GBE1: variants seen among roughly 807,000 people sequenced by gnomAD.
GBE1 encodes the protein 1,4-alpha-glucan branching enzyme 1.
Under a neutral mutation model 88.8 loss-of-function variants are expected in GBE1, and 70 were observed. The observed-to-expected ratio is 0.79, with a 90% CI of 0.65 to 0.96. The LOEUF is 0.96. GBE1 is among the 40% of genes least tolerant of loss of function. The pLI is 0.00. For missense variants in GBE1, 872 were observed against 871.0 expected (o/e 1.00, Z -0.01); for synonymous variants, 284 against 300.1 (o/e 0.95, Z 0.56).
At chr3:81,522,464 G>A (rs767463726) in intron 14 of GBE1, among the ~76,000 whole-genome samples, 5 of 151,416 alleles carry the variant, frequency 3.3e-5, no homozygotes, top group Non-Finnish European at 5.9e-5. Context: ...TCAGAGTTAT[G>A]GCTGGTGTTA....
At chr3:81,714,603 C>T (rs1224756500) in intron 1 of GBE1, among the ~76,000 whole-genome samples, 1 of 152,126 alleles carries the variant, frequency 6.6e-6, no homozygotes, top group African/African-American at 2.4e-5. Flanking sequence ...TAGTCAGTCC[C>T]ACTGGCTCTC....
intron 1 of GBE1, among the ~76,000 whole-genome samples, chr3:81,710,604 TTAATTGG>T (rs959736305): frequency 3.3e-5 from 5 of 152,074 alleles, no homozygotes; most frequent in African/African-American, 1.2e-4. Context: ...TTTTAACATG[TTAATTGG>T]GGGCTCGGGG....
intron 1 of GBE1, among the ~76,000 whole-genome samples, chr3:81,716,561 T>C (rs1310124450): frequency 6.6e-6 from 1 of 152,118 alleles, no homozygotes; most frequent in Non-Finnish European, 1.5e-5. Context: ...GCCCATTTAG[T>C]GGTACCATTT....
chr3:81,717,056 C>G (rs775257985), intron 1 of GBE1, among the ~76,000 whole-genome samples: 1 of 152,200 alleles, frequency 6.6e-6, no homozygotes, highest in South Asian at 2.1e-4. Context: ...TTTCCAGTCA[C>G]GCTCCTGTTC....
chr3:81,526,492 C>A (rs1350873145), intron 14 of GBE1, among the ~76,000 whole-genome samples: 2 of 152,106 alleles, frequency 1.3e-5, no homozygotes, highest in East Asian at 3.9e-4. Context: ...AGCCCAAAAT[C>A]TCCTGAAGCT....
rs144230550 is a variant in GBE1, at chr3:81,514,156, C to T, written c.1935-14929G>A. On this transcript the variant is annotated intron_variant, in intron 14 of 15. Coordinates refer to ENST00000429644, the MANE Select transcript of GBE1 (RefSeq NM_000158.4). ...TGTTTTCTTCAGCTGGCAAAAAGGA[C>T]AGATGTTAATAGGGAGGCTGGCAAA... is the stretch of plus-strand genomic sequence containing the variant. Among the ~76,000 whole-genome samples, 332 of 151,242 alleles carry T rather than the reference C, an allele frequency of 2.2e-3. 1 individual carries two copies. Among genetic ancestry groups the T allele is most frequent in the South Asian group, 5.4e-3 (26 of 4,816 alleles).
chr3:81,529,931 T>G (rs1367940919), intron 14 of GBE1, among the ~76,000 whole-genome samples: 6 of 152,026 alleles, frequency 3.9e-5, no homozygotes, highest in African/African-American at 1.4e-4. Context: ...TCTCTCTCTC[T>G]CTCTCTCCAT....
At chr3:81,611,987 T>C (rs1704188014) in intron 7 of GBE1, among the ~76,000 whole-genome samples, 1 of 152,106 alleles carries the variant, frequency 6.6e-6, no homozygotes, top group Non-Finnish European at 1.5e-5. Context: ...AAAGCATTTT[T>C]GACATCATGC....
intron 3 of GBE1, among the ~76,000 whole-genome samples, chr3:81,669,198 C>T (rs1308191547): frequency 6.6e-6 from 1 of 152,186 alleles, no homozygotes; most frequent in Non-Finnish European, 1.5e-5. Flanking sequence ...AGAGATTTCA[C>T]AGCTGCAGCT....
At chr3:81,758,354 A>G (rs185728465) in intron 1 of GBE1, among the ~76,000 whole-genome samples, 1 of 152,230 alleles carries the variant, frequency 6.6e-6, no homozygotes, top group African/African-American at 2.4e-5. Context: ...TTTCACCCAC[A>G]TGGCAAGCTG....
At chr3:81,612,220 TAAAAAAAAAAAAA>T (rs11404629) in intron 7 of GBE1, 1 of 221,192 alleles carries the variant, frequency 4.5e-6, no homozygotes, top group African/African-American at 3.2e-5. Flanking sequence ...CACGCTCCTT[TAAAAAAAAAAAAA>T]AAAAAAAAAA....
intron 3 of GBE1, among the ~76,000 whole-genome samples, chr3:81,655,442 A>T (rs1704920198): frequency 6.6e-6 from 1 of 152,212 alleles, no homozygotes; most frequent in Non-Finnish European, 1.5e-5. Context: ...AAAATAAGTG[A>T]TATTCCAGAT....
intron 7 of GBE1, among the ~76,000 whole-genome samples, chr3:81,628,163 C>G (rs1286571028): frequency 6.6e-6 from 1 of 152,044 alleles, no homozygotes; most frequent in East Asian, 1.9e-4. Context: ...TTATATGTGT[C>G]TTCAACTATC....
At chr3:81,641,209 T>C (rs912895584) in intron 7 of GBE1, among the ~76,000 whole-genome samples, 3 of 152,142 alleles carry the variant, frequency 2.0e-5, no homozygotes, top group South Asian at 2.1e-4. Context: ...AATATATTTC[T>C]TTCATAAGGC....
chr3:81,739,396 A>C (rs932917588), intron 1 of GBE1, among the ~76,000 whole-genome samples: 5 of 152,186 alleles, frequency 3.3e-5, no homozygotes, highest in African/African-American at 1.2e-4. Context: ...CCAGACCCAG[A>C]AATTTGAGTG....
intron 1 of GBE1, among the ~76,000 whole-genome samples, chr3:81,709,270 T>C (rs1483598855): frequency 6.6e-6 from 1 of 152,180 alleles, no homozygotes; most frequent in African/African-American, 2.4e-5. Context: ...CCTGATGGAA[T>C]ACCATATGCA....
chr3:81,627,883 C>T lies in GBE1; in HGVS notation c.992+14898G>A, dbSNP rs116230610. ...CTCACTGTAACTTCAAACTCTTGGCCTCAAGCGATCCTCCCACCTAAGCCT... is the reference window on the plus strand; with the variant it reads ...CTCACTGTAACTTCAAACTCTTGGCTTCAAGCGATCCTCCCACCTAAGCCT... On this transcript the variant is annotated intron_variant, in intron 7 of 15. Coordinates refer to ENST00000429644, the MANE Select transcript of GBE1 (RefSeq NM_000158.4). Among the ~76,000 whole-genome samples the T allele has an allele frequency of 4.8e-3, 733 of 151,992 alleles. 11 individuals are homozygous for T. Among genetic ancestry groups the T allele is most frequent in the African/African-American group, 0.016 (673 of 41,448 alleles).
Position 81,670,926 on chromosome 3 carries a change from T to C in GBE1, c.341A>G (p.Tyr114Cys), listed in dbSNP as rs772247658. The C allele has an allele frequency of 3.2e-6, 5 of 1,568,434 alleles. No homozygotes were observed. Among genetic ancestry groups the C allele is most frequent in the Admixed American group, 1.9e-5 (1 of 52,774 alleles). Residue 114 changes from tyrosine to cysteine, a missense_variant, in exon 3 of 16, where the codon TAC becomes TGC. By Grantham distance (194) the Tyr-to-Cys change is radical. Coordinates refer to ENST00000429644, the MANE Select transcript of GBE1 (RefSeq NM_000158.4). Reference protein sequence around the residue: ...FNGWNPFSYPYKKLDYGKWEL... With the variant: ...FNGWNPFSYPCKKLDYGKWEL... ...CCATTTTCCATAATCCAGTTTTTTG[T>C]ATGGGTACGAAAATGGATTCCAACC...
intron 4 of GBE1, 98 bp from the exon 5 acceptor site, chr3:81,649,089 C>T: frequency 1.2e-6 from 1 of 804,324 alleles, no homozygotes; most frequent in South Asian, 1.9e-5. Flanking sequence ...TATACTCAAA[C>T]ACTTGGAACT....
Sources: allele counts gnomAD v4.1 joint callset (sites outside exome capture counted in the v4.1 genomes callset), GRCh38; gene constraint gnomAD v4.1.1; transcripts MANE v1.5; gene names NCBI Gene and HGNC (gene_info 2026-07-23, HGNC 2026-07-21).